The following CDC27 variants were observed in gnomAD, a reference collection of about 807,000 sequenced individuals.
CDC27 encodes the protein cell division cycle protein 27 homolog.
In CDC27, 27 loss-of-function variants were observed where a neutral mutation model predicts 109.7. The observed-to-expected ratio is 0.25, with a 90% CI of 0.18 to 0.34. The LOEUF is 0.34. Among genes scored for constraint, CDC27 ranks in the 10% least tolerant of loss-of-function variants. The pLI, the probability that CDC27 is intolerant of heterozygous loss-of-function variation, is 1.00. For synonymous variants in CDC27, 266 were observed against 333.9 expected, an observed-to-expected ratio of 0.80 and a Z score of 2.22; for missense variants, 579 against 960.2, an observed-to-expected ratio of 0.60 and a Z score of 5.25.
chr17:47,133,840 C>G (rs1226494759), intron 14 of CDC27, among the ~76,000 whole-genome samples: 1 of 151,960 alleles, frequency 6.6e-6, no homozygotes, highest in East Asian at 1.9e-4. Flanking sequence ...CCTCTGCCTC[C>G]TGGGTTCAAG....
chr17:47,141,780 A>T, intron 12 of CDC27, 73 bp downstream of exon 12: 1 of 855,712 alleles, frequency 1.2e-6, no homozygotes, highest in African/African-American at 1.8e-5. Flanking sequence ...TAGCCTTCTT[A>T]AGCATGGGCA....
At chr17:47,172,746 T>A (rs1279052109) in intron 2 of CDC27, among the ~76,000 whole-genome samples, 5 of 152,206 alleles carry the variant, frequency 3.3e-5, no homozygotes. Flanking sequence ...GTGGCATTTT[T>A]CACCCTTATT....
At chr17:47,177,718 C>CTCTTTCTT (rs2148989793) in intron 2 of CDC27, among the ~76,000 whole-genome samples, 1 of 152,278 alleles carries the variant, frequency 6.6e-6, no homozygotes, top group Non-Finnish European at 1.5e-5. Context: ...TCAGCTGTTT[C>CTCTTTCTT]TCTTTCTTTT....
chr17:47,177,857 T>TACAC (rs34596516), intron 2 of CDC27, among the ~76,000 whole-genome samples: 8 of 150,280 alleles, frequency 5.3e-5, no homozygotes, highest in Non-Finnish European at 5.9e-5. Flanking sequence ...TATGTGTGTG[T>TACAC]ACACACACAC....
rs746065407 is a variant in CDC27 at position 47,144,000 on chromosome 17, AG to A, written c.1071-19del. 5 of 1,142,158 alleles carry A rather than the reference AG, an allele frequency of 4.4e-6. No homozygotes were observed. The Admixed American group carries it at 1.4e-4, about 31-fold the overall frequency. The allele number at this position is 1,142,158 out of a possible 1,614,324, so 70.8% of individuals were successfully genotyped here. On this transcript the variant is annotated intron_variant, in intron 9 of 18. Coordinates refer to ENST00000066544, the MANE Select transcript of CDC27 (RefSeq NM_001256.6). ...GTGTTGTACTAAAAAAAAATTATAA[AG>A]GAAGACATTAATATTTTACTTGATT...
intron 1 of CDC27, among the ~76,000 whole-genome samples, chr17:47,187,344 AG>A (rs912647256): frequency 1.3e-5 from 2 of 152,142 alleles, no homozygotes; most frequent in East Asian, 3.8e-4. Context: ...TCTGTCGCCC[AG>A]GCTGGAGTGC....
Position 47,143,965 on chromosome 17 carries a change from A to G in CDC27, c.1088T>C (p.Leu363Ser). 6.8e-7 allele frequency: 1 copy of G among 1,461,336 alleles called. No individual in the cohort carries two copies. Among genetic ancestry groups the G allele is most frequent in the Non-Finnish European group, 9.1e-7 (1 of 1,096,282 alleles). The allele number at this position is 1,461,336 out of a possible 1,614,324, so 90.5% of individuals were successfully genotyped here. A position where few individuals can be genotyped will look rare whatever the true frequency, so the allele number is the denominator to read the frequency against. Residue 363 changes from leucine (L) to serine (S), a missense_variant, in exon 10 of 19, where the codon TTG (leucine) becomes TCG (serine). This residue lies in a region of CDC27 where 51 missense variants were observed against 43.8 expected (regional missense o/e 1.16). Transcript: ENST00000066544. ...GPQTSTTPQV[L>S]SPTITSPPNA... Reference sequence around the variant, plus strand: ...TGGGGGAGATGTAATAGTGGGGCTCAATACCTGAGGTGTTGTACTAAAAAA... The same window carrying G: ...TGGGGGAGATGTAATAGTGGGGCTCGATACCTGAGGTGTTGTACTAAAAAA...
chr17:47,125,693 G>A (rs1256551817), intron 16 of CDC27, among the ~76,000 whole-genome samples: 5 of 151,636 alleles, frequency 3.3e-5, no homozygotes, highest in Admixed American at 6.6e-5. Flanking sequence ...ACAGGCGCCC[G>A]CCACCATGCC....
chr17:47,141,406 G>GTAAA (rs1186407856), intron 12 of CDC27, among the ~76,000 whole-genome samples: 1 of 152,082 alleles, frequency 6.6e-6, no homozygotes, highest in Non-Finnish European at 1.5e-5. Context: ...AATCCAAAGA[G>GTAAA]TAAAAAGCCT....
intron 9 of CDC27, among the ~76,000 whole-genome samples, chr17:47,148,590 G>A (rs1005788629): frequency 3.3e-5 from 5 of 152,068 alleles, no homozygotes; most frequent in Admixed American, 6.5e-5. Context: ...TCCAAAGGCC[G>A]AGAAACAACA....
At chr17:47,140,305 G>T (rs1052308636) in intron 12 of CDC27, among the ~76,000 whole-genome samples, 1 of 152,044 alleles carries the variant, frequency 6.6e-6, no homozygotes, top group Admixed American at 6.6e-5. Flanking sequence ...GTAGAGACAG[G>T]GTCTCACCAC....
intron 13 of CDC27, 92 bp downstream of exon 13, chr17:47,138,647 A>G: frequency 2.3e-6 from 2 of 862,096 alleles, no homozygotes; most frequent in Non-Finnish European, 3.7e-6. Flanking sequence ...CGTGGGTGAC[A>G]CTAAATAGTG....
At chr17:47,142,839 C>T (rs1168911651) in intron 10 of CDC27, among the ~76,000 whole-genome samples, 1 of 152,290 alleles carries the variant, frequency 6.6e-6, no homozygotes, top group South Asian at 2.1e-4. Context: ...CCACCACGCC[C>T]GGTTAATTTT....
intron 13 of CDC27, among the ~76,000 whole-genome samples, chr17:47,138,292 T>C (rs2062685011): frequency 6.6e-6 from 1 of 152,220 alleles, no homozygotes; most frequent in East Asian, 1.9e-4. Flanking sequence ...TGTGTTTAAT[T>C]CTAAGCTTAG....
rs140609650 is a variant in CDC27, at chr17:47,179,711, C to T, written c.103+1851G>A. Among the ~76,000 whole-genome samples, 9 of 152,134 alleles carry T rather than the reference C, an allele frequency of 5.9e-5. No homozygotes were observed. In the East Asian group the frequency reaches 1.3e-3, roughly 23 times the overall value. The stretch of plus-strand genomic sequence containing the variant: ...TTTCCTCATATAAATATGGTTAAAC[C>T]GAATGGTGAGGTTCTATATTGAAAG... On this transcript the variant is annotated intron_variant, in intron 2 of 18. Transcript: ENST00000066544.
At chr17:47,170,767 T>C (rs947328892) in intron 3 of CDC27, among the ~76,000 whole-genome samples, 2 of 152,192 alleles carry the variant, frequency 1.3e-5, no homozygotes, top group Non-Finnish European at 2.9e-5. Context: ...AATAGAAATG[T>C]ATATGCAAAT....
intron 12 of CDC27, among the ~76,000 whole-genome samples, chr17:47,140,593 A>G (rs2062765037): frequency 6.6e-6 from 1 of 152,224 alleles, no homozygotes. Context: ...GCTTTCTTTA[A>G]TTAAATATTT....
chr17:47,159,624 T>TG, intron 4 of CDC27: 4 of 463,962 alleles, frequency 8.6e-6, no homozygotes, highest in Non-Finnish European at 1.6e-5. Context: ...GCCCTGCAGA[T>TG]GGCAGTGGCC....
At chr17:47,121,299 TTC>T (rs1490575307) in intron 18 of CDC27, among the ~76,000 whole-genome samples, 1 of 151,990 alleles carries the variant, frequency 6.6e-6, no homozygotes, top group African/African-American at 2.4e-5. Flanking sequence ...AACTAGCTAG[TTC>T]TCTGAGACAT....
Sources: allele counts gnomAD v4.1 joint callset (sites outside exome capture counted in the v4.1 genomes callset), GRCh38; gene constraint gnomAD v4.1.1; regional missense constraint gnomAD v4.1.1; transcripts MANE v1.5; gene names NCBI Gene and HGNC (gene_info 2026-07-23, HGNC 2026-07-21).